NECAB3: variants seen among roughly 807,000 people sequenced by gnomAD.
NECAB3 encodes the protein N-terminal EF-hand calcium-binding protein 3.
Under a neutral mutation model 57.2 loss-of-function variants are expected in NECAB3, and 38 were observed. The ratio of observed to expected loss-of-function variants is 0.66; its 90% CI spans 0.51 to 0.87. The LOEUF is 0.87. NECAB3 is among the 40% of genes least tolerant of loss of function. NECAB3 has a pLI of 0.00. For missense variants in NECAB3, 474 were observed against 527.5 expected, an observed-to-expected ratio of 0.90 and a Z score of 0.99; for synonymous variants, 223 against 222.6, an observed-to-expected ratio of 1.00 and a Z score of -0.02.
chr20:33,660,456 T>G lies in NECAB3; in HGVS notation c.388-61A>C. The G allele has an allele frequency of 6.3e-7, 1 of 1,586,282 alleles. No individual in the cohort carries two copies. The highest frequency in any genetic ancestry group is 2.3e-5 in the East Asian group (1 of 44,360). ...CCCGGGCACTGATCTCTTGAGTGGG[T>G]CCCCTGCCTCTTGCCCATCAGAGCA... On this transcript the variant is annotated intron_variant, in intron 5 of 11. Coordinates refer to ENST00000246190, the MANE Select transcript of NECAB3 (RefSeq NM_031232.4). This position sits in a 1 kb window ranked among gnomAD's most constrained non-coding sequence, Gnocchi z 4.1.
In NECAB3 at chr20:33,658,837, G is replaced by T; in HGVS notation, c.880-3C>A. 3 of 1,611,720 alleles carry T rather than the reference G, an allele frequency of 1.9e-6. No individual in the cohort carries two copies. The highest frequency in any genetic ancestry group is 2.5e-6 in the Non-Finnish European group (3 of 1,178,802). ...TGCCTCTGGGCCATGAGGATGTGCT[G>T]GTGGGAGAGGCAGCCGGTCAGCTGG... On this transcript the variant is annotated splice_polypyrimidine_tract_variant and splice_region_variant and intron_variant, in intron 8 of 11. Transcript: ENST00000246190.
At chr20:33,663,723 G>A (rs753894540) in intron 5 of NECAB3, 3 of 1,537,838 alleles carry the variant, frequency 2.0e-6, no homozygotes, top group Non-Finnish European at 1.7e-6. Flanking sequence ...AGGCGCGGCG[G>A]CCGGAAGAGG....
intron 4 of NECAB3, 77 bp downstream of exon 4, chr20:33,669,610 C>G: frequency 1.9e-6 from 3 of 1,543,224 alleles, no homozygotes; most frequent in Non-Finnish European, 2.6e-6. Flanking sequence ...CATCAGGAGA[C>G]CAGCAACAGT....
chr20:33,657,878 GTCAGGAGCCC>G (rs779429439), intron 11 of NECAB3, 21 bp from the exon 12 acceptor site: 12 of 1,546,224 alleles, frequency 7.8e-6, no homozygotes, highest in East Asian at 7.3e-5. Flanking sequence ...GAGGCAGGGG[GTCAGGAGCCC>G]TCAGGAGCCC....
intron 9 of NECAB3, 24 bp from the exon 10 acceptor site, chr20:33,658,578 GGCC>G (rs773474512): frequency 3.1e-6 from 5 of 1,613,508 alleles, no homozygotes; most frequent in Non-Finnish European, 4.2e-6. Context: ...GAGATGGGCA[GGCC>G]AGGCCAGGGC....
chr20:33,673,751 C>A (rs1375499743), intron 1 of NECAB3, among the ~76,000 whole-genome samples: 1 of 152,106 alleles, frequency 6.6e-6, no homozygotes, highest in African/African-American at 2.4e-5. Context: ...CCATGGTGGC[C>A]GCAGGGCCAC....
rs566869732 is a variant in NECAB3 at position 33,659,529 on chromosome 20, G to A, written c.847C>T (p.Arg283Cys). ...PSQAPRLEPL[R>C]EEDLAKGPDL... ...GGCCCCTTGGCCAGGTCCTCTTCAC[G>A]CAGGGGTTCCAGCCGGGGGGCCTGT... The change falls in exon 8 of 12, where the codon CGT becomes TGT. Residue 283 changes from arginine (R) to cysteine (C), a missense_variant. Coordinates refer to ENST00000246190, the MANE Select transcript of NECAB3 (RefSeq NM_031232.4). 756 of 1,532,028 alleles carry A rather than the reference G, an allele frequency of 4.9e-4. 8 individuals are homozygous for A. In the South Asian group the frequency reaches 7.9e-3, roughly 16 times the overall value. The allele number at this position is 1,532,028 out of a possible 1,614,324, so 94.9% of individuals were successfully genotyped here. A position where few individuals can be genotyped will look rare whatever the true frequency, so the allele number is the denominator to read the frequency against.
chr20:33,667,561 G>T lies in NECAB3; in HGVS notation c.387+1814C>A, dbSNP rs375961035. On this transcript the variant is annotated intron_variant, in intron 5 of 11. Coordinates refer to ENST00000246190, the MANE Select transcript of NECAB3 (RefSeq NM_031232.4). ...CGCGTTCAGCGGGCTGGCCGTGGAG[G>T]CGGGCGCGGGCGTGTGCCACGCCAC... 2.3e-5 allele frequency: 35 copies of T among 1,551,558 alleles called. No homozygotes were observed. In the African/African-American group the frequency reaches 4.6e-4, roughly 21 times the overall value.
intron 5 of NECAB3, among the ~76,000 whole-genome samples, chr20:33,668,926 C>T (rs1022960605): frequency 2.6e-5 from 4 of 152,244 alleles, no homozygotes; most frequent in Admixed American, 6.5e-5. Flanking sequence ...TGGGTGTTCA[C>T]GTACCTGCCT....
chr20:33,669,727 G>T lies in NECAB3; in HGVS notation c.264-15C>A. The T allele has an allele frequency of 6.3e-7, 1 of 1,588,804 alleles. No individual in the cohort carries two copies. On this transcript the variant is annotated splice_polypyrimidine_tract_variant and intron_variant, in intron 3 of 11. Coordinates refer to ENST00000246190, the MANE Select transcript of NECAB3 (RefSeq NM_031232.4). ...TTTCTAAATTGCTGCAGGGAAAAGA[G>T]AAGGCGCCCTTCAGACCTGGGCCTG...
At chr20:33,663,721 C>A in intron 5 of NECAB3, 1 of 1,538,566 alleles carries the variant, frequency 6.5e-7, no homozygotes. Context: ...AGAGGCGCGG[C>A]GGCCGGAAGA....
At chr20:33,662,446 AC>A (rs1469604149) in intron 5 of NECAB3, 11 of 1,551,668 alleles carry the variant, frequency 7.1e-6, no homozygotes, top group Non-Finnish European at 9.6e-6. Context: ...TCGTTCCTCA[AC>A]CACCTCACTC....
intron 5 of NECAB3, chr20:33,662,560 C>A: frequency 1.4e-6 from 2 of 1,431,792 alleles, no homozygotes; most frequent in South Asian, 1.3e-5. Flanking sequence ...TGCTGGGAGT[C>A]TAGGCCTTGT....
chr20:33,663,688 G>A (rs939371624), intron 5 of NECAB3: 1 of 1,581,964 alleles, frequency 6.3e-7, no homozygotes, highest in Non-Finnish European at 8.5e-7. Flanking sequence ...GAGGATGCCG[G>A]TACTGCTGCT....
intron 5 of NECAB3, chr20:33,663,673 G>C: frequency 1.3e-6 from 2 of 1,590,384 alleles, no homozygotes; most frequent in Non-Finnish European, 1.7e-6. Flanking sequence ...TAGCGAGCGC[G>C]AGCCGAGGAT....
rs1368516765 is a variant in NECAB3 at position 33,658,049 on chromosome 20, C to G, written c.1071-16G>C. 1 of 1,548,226 alleles carries G rather than the reference C, an allele frequency of 6.5e-7. No homozygotes were observed. The highest frequency in any genetic ancestry group is 2.0e-5 in the Admixed American group (1 of 50,924). On this transcript the variant is annotated splice_polypyrimidine_tract_variant and intron_variant, in intron 10 of 11. Coordinates refer to ENST00000246190, the MANE Select transcript of NECAB3 (RefSeq NM_031232.4). ...CTGCTGGTGCCTGCAGAGACCCAGG[C>G]TACAGTGACCTCGCTCTCCCCACTC...
chr20:33,668,214 G>A, intron 5 of NECAB3: 2 of 1,598,594 alleles, frequency 1.3e-6, no homozygotes, highest in Non-Finnish European at 1.7e-6. Context: ...GCTCCAGGCT[G>A]CTGTACGATG....
At chr20:33,667,565 GCGCGGGCGTGTGCCA>G in intron 5 of NECAB3, 1 of 1,553,924 alleles carries the variant, frequency 6.4e-7, no homozygotes, top group Non-Finnish European at 8.7e-7. Flanking sequence ...GTGGAGGCGG[GCGCGGGCGTGTGCCA>G]CGCCACGCCC....
In NECAB3 at chr20:33,670,681, C is replaced by T. The variant is rs779012873; in HGVS notation, c.263+3G>A. 6.2e-7 allele frequency: 1 copy of T among 1,611,428 alleles called. No individual in the cohort carries two copies. The highest frequency in any genetic ancestry group is 1.3e-5 in the African/African-American group (1 of 74,870). On this transcript the variant is annotated splice_donor_region_variant and intron_variant, in intron 3 of 11. Transcript: ENST00000246190. ...TCTACCCACGGCCCCCTCTCATACTCACTCGGTGAGATGCCCATCAATGCC... is the reference window on the plus strand; with the variant it reads ...TCTACCCACGGCCCCCTCTCATACTTACTCGGTGAGATGCCCATCAATGCC...
Sources: allele counts gnomAD v4.1 joint callset (sites outside exome capture counted in the v4.1 genomes callset), GRCh38; gene constraint gnomAD v4.1.1; non-coding constraint Gnocchi (gnomAD v3.1); transcripts MANE v1.5; gene names NCBI Gene and HGNC (gene_info 2026-07-23, HGNC 2026-07-21).